The following DACH2 variants were observed in gnomAD, a reference collection of about 807,000 sequenced individuals.
DACH2 encodes the protein dachshund homolog 2.
DACH2 carries 17 observed loss-of-function variants against 35.8 expected under a neutral mutation model. The ratio of observed to expected loss-of-function variants is 0.48; its 90% confidence interval spans 0.33 to 0.71. The LOEUF is 0.71. DACH2 is among the 30% of genes least tolerant of loss of function. The probability of loss-of-function intolerance (pLI) is 0.02; values close to 1 mark genes in which losing one functional copy is unlikely to be tolerated. For synonymous variants in DACH2, 195 were observed against 177.3 expected (o/e 1.10, Z -0.79); for missense variants, 469 against 472.7 (o/e 0.99, Z 0.07).
At chrX:86,806,303 G>A (rs763738381) in intron 7 of DACH2, among the ~76,000 whole-genome samples, 9 of 110,202 alleles carry the variant, frequency 8.2e-5, no homozygotes, top group Admixed American at 2.9e-4. Context: ...GCAGGAGGAA[G>A]AGATAGATGG....
At chrX:86,476,288 A>T (rs2037841997) in intron 2 of DACH2, among the ~76,000 whole-genome samples, 1 of 111,768 alleles carries the variant, frequency 8.9e-6, no homozygotes, top group African/African-American at 3.2e-5. Flanking sequence ...TTCAGCAGTG[A>T]AGCCATCAGG....
intron 3 of DACH2, among the ~76,000 whole-genome samples, chrX:86,610,363 C>CTCTTTCTTTCTTTTTCTT (rs2039917131): frequency 1.7e-4 from 12 of 70,094 alleles, no homozygotes; most frequent in Non-Finnish European, 2.4e-4. Context: ...TCCTTCCTTC[C>CTCTTTCTTTCTTTTTCTT]TCTTTCTTTC....
intron 2 of DACH2, among the ~76,000 whole-genome samples, chrX:86,467,903 G>C (rs757582496): frequency 9.0e-6 from 1 of 111,474 alleles, no homozygotes; most frequent in South Asian, 3.8e-4. Context: ...GTCATGAGAA[G>C]AGCACGGAGG....
chrX:86,292,410 T>G, intron 1 of DACH2, among the ~76,000 whole-genome samples: 1 of 101,106 alleles, frequency 9.9e-6, no homozygotes, highest in Non-Finnish European at 2.0e-5. Context: ...AAGGGTTTTT[T>G]GTGTCTCTAT....
In DACH2 at chrX:86,623,975, G is replaced by T. The variant is rs185453089; in HGVS notation, c.641-27061G>T. Among the ~76,000 whole-genome samples the T allele has an allele frequency of 1.3e-3, 116 of 91,455 alleles. 9 individuals carry two copies. The East Asian group carries it at 0.041, about 32-fold the overall frequency. The allele number at this position is 91,455 out of a possible 115,157, so 79.4% of individuals were successfully genotyped here. A position where few individuals can be genotyped will look rare whatever the true frequency, so the allele number is the denominator to read the frequency against. ...AGGCAGGAGAATGGCGTGAACCCGG[G>T]AGGCGGAGCTTGCAGTGAGTCGAGA... On this transcript the variant is annotated intron_variant, in intron 3 of 11. Coordinates refer to ENST00000373125, the MANE Select transcript of DACH2 (RefSeq NM_053281.3).
chrX:86,704,340 A>G (rs2041183611), intron 5 of DACH2, among the ~76,000 whole-genome samples: 1 of 111,721 alleles, frequency 9.0e-6, no homozygotes, highest in African/African-American at 3.2e-5. Context: ...ATTAATAAAA[A>G]TTCTAGAAGA....
intron 1 of DACH2, among the ~76,000 whole-genome samples, chrX:86,169,511 C>A (rs1273297673): frequency 9.0e-6 from 1 of 110,811 alleles, no homozygotes; most frequent in Non-Finnish European, 1.9e-5. Flanking sequence ...CTCTTTAAGG[C>A]CAGTAGCTCT....
At position 86,514,404 on chromosome X, in the gene DACH2, A is replaced by G; in HGVS notation, c.640+13A>G. ...ATCACTCCGACAGGTAATAAAATCC[A>G]TCTGATGATCAGCCATGTCTCTTCG... On this transcript the variant is annotated intron_variant, in intron 3 of 11. Coordinates refer to ENST00000373125, the MANE Select transcript of DACH2 (RefSeq NM_053281.3). The G allele has an allele frequency of 8.5e-7, 1 of 1,178,343 alleles. No individual in the cohort carries two copies. The highest frequency in any genetic ancestry group is 1.2e-6 in the Non-Finnish European group (1 of 867,977).
chrX:86,669,988 A>G (rs1421351993), intron 4 of DACH2, among the ~76,000 whole-genome samples: 9 of 111,073 alleles, frequency 8.1e-5, no homozygotes. Context: ...ATTACAATCA[A>G]TTTATTTGTT....
At chrX:86,506,849 A>T (rs1291754629) in intron 2 of DACH2, among the ~76,000 whole-genome samples, 4 of 111,926 alleles carry the variant, frequency 3.6e-5, no homozygotes, top group Non-Finnish European at 5.6e-5. Flanking sequence ...ATGATAGCTC[A>T]TGATATTCAC....
At chrX:86,326,194 C>T (rs2035110265) in intron 1 of DACH2, among the ~76,000 whole-genome samples, 1 of 110,471 alleles carries the variant, frequency 9.1e-6, no homozygotes, top group Non-Finnish European at 1.9e-5. Context: ...TATCTGTATC[C>T]GGCTGGGTGC....
chrX:86,593,529 C>T (rs1280440015), intron 3 of DACH2, among the ~76,000 whole-genome samples: 1 of 108,976 alleles, frequency 9.2e-6, no homozygotes, highest in Non-Finnish European at 1.9e-5. Flanking sequence ...TGGGTTCAAG[C>T]GATTCTCCTG....
intron 2 of DACH2, among the ~76,000 whole-genome samples, chrX:86,415,959 C>A (rs1306084161): frequency 8.9e-6 from 1 of 111,759 alleles, no homozygotes; most frequent in Non-Finnish European, 1.9e-5. Context: ...GTTTTATTAT[C>A]TTTTTGTTCT....
At chrX:86,637,447 C>T (rs752357408) in intron 3 of DACH2, among the ~76,000 whole-genome samples, 1 of 110,261 alleles carries the variant, frequency 9.1e-6, no homozygotes, top group South Asian at 3.9e-4. Context: ...CAGCACTATT[C>T]ACAATGGTAG....
At chrX:86,736,759 C>G (rs949360212) in intron 6 of DACH2, among the ~76,000 whole-genome samples, 5 of 111,124 alleles carry the variant, frequency 4.5e-5, no homozygotes, top group Non-Finnish European at 9.5e-5. Context: ...ATATGTGATT[C>G]TGGTTTGCTG....
At chrX:86,822,481 A>T (rs2042522502) in intron 11 of DACH2, among the ~76,000 whole-genome samples, 1 of 112,186 alleles carries the variant, frequency 8.9e-6, no homozygotes. Flanking sequence ...TCTGTTTTGT[A>T]AGTATGAAAA....
intron 1 of DACH2, among the ~76,000 whole-genome samples, chrX:86,306,130 G>A (rs1602385583): frequency 8.9e-6 from 1 of 111,944 alleles, no homozygotes; most frequent in Non-Finnish European, 1.9e-5. Context: ...ATTTGTCAAA[G>A]AGATACCTAT....
chrX:86,308,151 G>A (rs2034725762), intron 1 of DACH2, among the ~76,000 whole-genome samples: 2 of 112,232 alleles, frequency 1.8e-5, no homozygotes, highest in South Asian at 7.4e-4. Context: ...GGGTCCAGAA[G>A]ATATACCCTT....
Position 86,166,681 on chromosome X carries a change from T to C in DACH2, c.488+17573T>C, listed in dbSNP as rs185840754. Among the ~76,000 whole-genome samples the C allele has an allele frequency of 3.8e-3, 427 of 111,575 alleles. 2 individuals carry two copies. The highest frequency in any genetic ancestry group is 0.013 in the African/African-American group (401 of 30,781). Reference sequence around the variant, plus strand: ...AAGCTTTCAGTTTTTCCCCATTTAGTATGATACTAGCTGTGGGTCTGTCAT... The same window carrying C: ...AAGCTTTCAGTTTTTCCCCATTTAGCATGATACTAGCTGTGGGTCTGTCAT... On this transcript the variant is annotated intron_variant, in intron 1 of 11. Transcript: ENST00000373125.
Sources: gnomAD v4.1 joint callset for allele counts (sites outside exome capture counted in the v4.1 genomes callset) on GRCh38, gnomAD v4.1.1 for gene constraint, MANE v1.5 for transcripts, NCBI Gene and HGNC (gene_info 2026-07-23, HGNC 2026-07-21) for gene names.